CEACAM19: variants seen among roughly 807,000 people sequenced by gnomAD.
The protein encoded by CEACAM19 is cell adhesion molecule CEACAM19.
A neutral mutation model predicts 37.6 loss-of-function variants in CEACAM19; 37 were observed. The observed-to-expected ratio is 0.98, with a 90% CI of 0.76 to 1.29. The LOEUF is 1.29. Ranked by LOEUF, CEACAM19 falls within the 50% of genes most tolerant of loss-of-function variation. The pLI, the probability that CEACAM19 is intolerant of heterozygous loss-of-function variation, is 0.00. For missense variants in CEACAM19, 340 were observed against 375.6 expected, an observed-to-expected ratio of 0.91 and a Z score of 0.78; for synonymous variants, 140 against 149.8, an observed-to-expected ratio of 0.93 and a Z score of 0.48.
intron 7 of CEACAM19, 141 bp from the exon 8 acceptor site, chr19:44,683,294 ACT>A: frequency 2.0e-6 from 1 of 491,250 alleles, no homozygotes; most frequent in Admixed American, 3.6e-5. Flanking sequence ...TCTGCATCTC[ACT>A]CTCTTTCCAC....
At chr19:44,678,960 T>C in intron 4 of CEACAM19, 24 bp downstream of exon 4, 4 of 1,612,410 alleles carry the variant, frequency 2.5e-6, no homozygotes, top group Non-Finnish European at 3.4e-6. Context: ...AATACTTATT[T>C]AGTGAACTAA....
In CEACAM19 at chr19:44,681,188, C is replaced by T. The variant is rs777174516; in HGVS notation, c.707-39C>T. On this transcript the variant is annotated intron_variant, in intron 5 of 7. Transcript: ENST00000358777. ...AGGCAGTCAGAGTGGCCTGTGGGGC[C>T]CATGTGTCAGCTGGTACCTCCCCTG... is the stretch of plus-strand genomic sequence containing the variant. The T allele has an allele frequency of 4.2e-6, 6 of 1,422,008 alleles. 1 individual carries two copies. The South Asian group carries it at 7.0e-5, about 16-fold the overall frequency. The allele number at this position is 1,422,008 out of a possible 1,614,324, so 88.1% of individuals were successfully genotyped here. A position where few individuals can be genotyped will look rare whatever the true frequency, so the allele number is the denominator to read the frequency against.
In CEACAM19 at chr19:44,683,706, C is replaced by T. The variant is rs1036758281; in HGVS notation, c.*216C>T. The T allele has an allele frequency of 1.5e-4, 60 of 403,862 alleles. No homozygotes were observed. In the East Asian group the frequency reaches 1.6e-3, roughly 11 times the overall value. 25.0% of individuals were successfully genotyped at this position (403,862 alleles called of 1,614,324 possible). On this transcript the variant is annotated 3_prime_UTR_variant, in exon 8 of 8. Coordinates refer to ENST00000358777, the MANE Select transcript of CEACAM19 (RefSeq NM_001127893.3). ...CTTGTGCAGCCCGTGAATGCACGCCCGCCTTCGGTCTGTTCCTTCAAGCAA... is the reference window on the plus strand; with the variant it reads ...CTTGTGCAGCCCGTGAATGCACGCCTGCCTTCGGTCTGTTCCTTCAAGCAA...
chr19:44,672,114 C>T, intron 1 of CEACAM19, 128 bp downstream of exon 1: 1 of 754,272 alleles, frequency 1.3e-6, no homozygotes. Flanking sequence ...GGGGGAGGGG[C>T]AACAGAATCA....
At chr19:44,678,162 T>C (rs1973986193) in intron 3 of CEACAM19, 1 of 152,240 alleles carries the variant, frequency 6.6e-6, no homozygotes, top group South Asian at 2.1e-4. Flanking sequence ...GTATTATTAT[T>C]TTTTGTAGAG....
At chr19:44,681,454 C>A in intron 6 of CEACAM19, 142 bp downstream of exon 6, 1 of 580,418 alleles carries the variant, frequency 1.7e-6, no homozygotes, top group South Asian at 2.3e-5. Flanking sequence ...TTTTAAAAAT[C>A]CTAAGGAAAA....
At chr19:44,682,739 A>G in intron 7 of CEACAM19, 119 bp downstream of exon 7, 1 of 917,118 alleles carries the variant, frequency 1.1e-6, no homozygotes, top group Non-Finnish European at 1.6e-6. Context: ...TCGTCCCCCC[A>G]AGCCTCACGG....
chr19:44,680,800 AAC>A, intron 5 of CEACAM19, among the ~76,000 whole-genome samples: 1 of 152,162 alleles, frequency 6.6e-6, no homozygotes, highest in Non-Finnish European at 1.5e-5. Context: ...AGACAGATCA[AAC>A]ACAGTTTCTG....
intron 4 of CEACAM19, 113 bp from the exon 5 acceptor site, chr19:44,680,175 A>G (rs1380441448): frequency 1.3e-6 from 1 of 795,206 alleles, no homozygotes; most frequent in Non-Finnish European, 2.1e-6. Flanking sequence ...ACTCTGAAGG[A>G]GAGACCATGT....
rs1974101441 is a variant in CEACAM19 at position 44,683,450 on chromosome 19, C to A, written c.860C>A (p.Pro287His). 1 of 1,563,302 alleles carries A rather than the reference C, an allele frequency of 6.4e-7. No homozygotes were observed. The change falls in exon 8 of 8, where the codon CCC (proline) becomes CAC (histidine). Residue 287 changes from proline (P) to histidine (H), a missense_variant. Transcript: ENST00000358777. ...CCCCCCAAGCAGGACCTGCTAAACC[C>A]CGACCCTGCCCCCTACTGCCAGCTG... is the stretch of plus-strand genomic sequence containing the variant. ...ENHQYQDLLN[P>H]DPAPYCQLVP...
chr19:44,679,681 G>A (rs1448296973), intron 4 of CEACAM19, among the ~76,000 whole-genome samples: 5 of 152,034 alleles, frequency 3.3e-5, no homozygotes, highest in Admixed American at 6.6e-5. Context: ...CCCGGGAGGC[G>A]GAGCTTTTAG....
upstream of CEACAM19, among the ~76,000 whole-genome samples, chr19:44,668,398 AATATGT>A (rs1568512757): frequency 1.4e-3 from 74 of 53,188 alleles, 4 homozygotes; most frequent in African/African-American, 6.3e-3. Context: ...ATATTTATAT[AATATGT>A]TTATATATTA....
chr19:44,680,274 C>T lies in CEACAM19; in HGVS notation c.660-14C>T, dbSNP rs578076093. ...CTCTCTATCCTAATATCAATTCCCT[C>T]TATGTGTCCCCAGGATGGCGACCAC... On this transcript the variant is annotated splice_polypyrimidine_tract_variant and intron_variant, in intron 4 of 7. Transcript: ENST00000358777. The T allele has an allele frequency of 6.2e-6, 10 of 1,607,848 alleles. No homozygotes were observed. The African/African-American group carries it at 9.4e-5, about 15-fold the overall frequency.
chr19:44,668,623 TAATTATATAC>T (rs1973799523), upstream of CEACAM19, among the ~76,000 whole-genome samples: 1 of 87,218 alleles, frequency 1.1e-5, no homozygotes, highest in African/African-American at 5.0e-5. Flanking sequence ...TATAATTATA[TAATTATATAC>T]ACATATTATA....
chr19:44,681,561 G>A (rs1295930409), intron 6 of CEACAM19, among the ~76,000 whole-genome samples: 3 of 152,306 alleles, frequency 2.0e-5, no homozygotes, highest in South Asian at 4.1e-4. Flanking sequence ...ATACTTGTCT[G>A]TGTTTTCTGC....
intron 2 of CEACAM19, among the ~76,000 whole-genome samples, chr19:44,674,003 T>C (rs1384069386): frequency 4.6e-5 from 7 of 152,274 alleles, no homozygotes; most frequent in Admixed American, 3.9e-4. Context: ...CCCAGCACTT[T>C]GGAAGGCTGA....
upstream of CEACAM19, among the ~76,000 whole-genome samples, chr19:44,668,505 A>T (rs1467259427): frequency 9.9e-5 from 5 of 50,408 alleles, 1 homozygote; most frequent in African/African-American, 3.8e-4. Context: ...TATATATATT[A>T]TATATTAGTT....
upstream of CEACAM19, among the ~76,000 whole-genome samples, chr19:44,671,114 G>A (rs563335367): frequency 2.0e-5 from 3 of 146,778 alleles, no homozygotes; most frequent in South Asian, 4.2e-4. Context: ...AGAAAAACAC[G>A]AGGCTAAGAG....
chr19:44,668,604 A>G (rs1240626492), upstream of CEACAM19, among the ~76,000 whole-genome samples: 1 of 71,930 alleles, frequency 1.4e-5, no homozygotes, highest in South Asian at 4.0e-4. Flanking sequence ...TACACATATT[A>G]TATATGTATA....
Sources: allele counts gnomAD v4.1 joint callset (sites outside exome capture counted in the v4.1 genomes callset), GRCh38; gene constraint gnomAD v4.1.1; transcripts MANE v1.5; gene names NCBI Gene and HGNC (gene_info 2026-07-23, HGNC 2026-07-21).